ZBTB45: variants seen among roughly 807,000 people sequenced by gnomAD.
ZBTB45 encodes the protein zinc finger and BTB domain-containing protein 45.
A neutral mutation model predicts 28.4 loss-of-function variants in ZBTB45; 22 were observed. That is an observed-to-expected ratio of 0.77 (90% CI 0.55 to 1.10). The LOEUF (loss-of-function observed/expected upper bound fraction) is 1.10. Ranked by LOEUF, ZBTB45 falls within the 50% of genes least tolerant of loss-of-function variation. The pLI is 0.00. For missense variants in ZBTB45, 656 were observed against 750.2 expected, an observed-to-expected ratio of 0.87 and a Z score of 1.47; for synonymous variants, 361 against 332.3, an observed-to-expected ratio of 1.09 and a Z score of -0.94.
chr19:58,517,406 C>T lies in ZBTB45; in HGVS notation c.268G>A (p.Gly90Ser), dbSNP rs1371040029. Residue 90 changes from glycine (G) to serine (S), a missense_variant, in exon 2 of 3, where the codon GGT becomes AGT. Gly to Ser is a moderately conservative substitution (Grantham distance 56). Coordinates refer to ENST00000594051, the MANE Select transcript of ZBTB45 (RefSeq NM_001316979.2). ...TCACCCTGCGCCACAACGAGCGAAC[C>T]GCTGTACAGGAACTCTACCAGCTGT... ...VRQLVEFLYS[G>S]SLVVAQGEAL... 3.1e-6 allele frequency: 5 copies of T among 1,612,878 alleles called. No homozygotes were observed. The highest frequency in any genetic ancestry group is 1.1e-5 in the South Asian group (1 of 91,090).
Position 58,529,715 on chromosome 19 carries a change from C to T in ZBTB45, c.-1+8986G>A, listed in dbSNP as rs371614441. Among the ~76,000 whole-genome samples, 8 of 152,254 alleles carry T rather than the reference C, an allele frequency of 5.3e-5. No homozygotes were observed. The South Asian group carries it at 1.7e-3, about 32-fold the overall frequency. On this transcript the variant is annotated intron_variant, in intron 1 of 1. Transcript: ENST00000600130. ...TGGTGGTTTGCTGCACCCATCAACC[C>T]GTCATCTACATTAGGTATTTGTCCT...
At chr19:58,535,461 C>T (rs927811536) in intron 1 of ZBTB45, among the ~76,000 whole-genome samples, 3 of 151,938 alleles carry the variant, frequency 2.0e-5, no homozygotes, top group South Asian at 2.1e-4. Flanking sequence ...ATGGTGAAAC[C>T]TCGTCTCTAC....
At position 58,516,338 on chromosome 19, in the gene ZBTB45, C is replaced by G; in HGVS notation, c.1279+57G>C. On this transcript the variant is annotated intron_variant, in intron 2 of 2. Coordinates refer to ENST00000594051, the MANE Select transcript of ZBTB45 (RefSeq NM_001316979.2). This position sits in a 1 kb window ranked among gnomAD's most constrained non-coding sequence, Gnocchi z 6.2. ...CCCTGTAACTAGTGCTCAATTCCCCCTCAGGTTTAACTCTCCGATGAGAGA... is the reference window on the plus strand; with the variant it reads ...CCCTGTAACTAGTGCTCAATTCCCCGTCAGGTTTAACTCTCCGATGAGAGA... 6.2e-7 allele frequency: 1 copy of G among 1,603,806 alleles called. No homozygotes were observed. Among genetic ancestry groups the G allele is most frequent in the Admixed American group, 1.7e-5 (1 of 59,272 alleles).
At chr19:58,526,541 T>C (rs1469817950) in intron 1 of ZBTB45, among the ~76,000 whole-genome samples, 1 of 135,204 alleles carries the variant, frequency 7.4e-6, no homozygotes, top group Non-Finnish European at 1.6e-5. Flanking sequence ...TTTTTTTTTT[T>C]TTTTTTTTGA....
intron 1 of ZBTB45, among the ~76,000 whole-genome samples, chr19:58,535,234 C>T (rs2053654435): frequency 6.6e-6 from 1 of 151,958 alleles, no homozygotes; most frequent in Admixed American, 6.6e-5. Context: ...TCTTGATGTC[C>T]TGATCCCGTG....
chr19:58,516,302 C>T lies in ZBTB45; in HGVS notation c.1279+93G>A, dbSNP rs2053492408. Reference sequence around the variant, plus strand: ...CCCCTGCTAACCAAAAGTAACAGAACAGTGCCAGTGCCCTGTAACTAGTGC... The same window carrying T: ...CCCCTGCTAACCAAAAGTAACAGAATAGTGCCAGTGCCCTGTAACTAGTGC... On this transcript the variant is annotated intron_variant, in intron 2 of 2. Coordinates refer to ENST00000594051, the MANE Select transcript of ZBTB45 (RefSeq NM_001316979.2). The surrounding 1 kb of genome is among the most constrained non-coding windows in gnomAD (Gnocchi z 6.2). 1 of 1,488,912 alleles carries T rather than the reference C, an allele frequency of 6.7e-7. No individual in the cohort carries two copies. The highest frequency in any genetic ancestry group is 1.4e-5 in the African/African-American group (1 of 72,090). The allele number at this position is 1,488,912 out of a possible 1,614,324, so 92.2% of individuals were successfully genotyped here. A position where few individuals can be genotyped will look rare whatever the true frequency, so the allele number is the denominator to read the frequency against.
chr19:58,527,219 A>G (rs2053612676), intron 1 of ZBTB45, among the ~76,000 whole-genome samples: 1 of 152,054 alleles, frequency 6.6e-6, no homozygotes, highest in Non-Finnish European at 1.5e-5. Flanking sequence ...TCCACCACCC[A>G]CAGTAGGTGT....
At chr19:58,537,802 T>A (rs988856328) in intron 1 of ZBTB45, among the ~76,000 whole-genome samples, 4 of 151,848 alleles carry the variant, frequency 2.6e-5, no homozygotes, top group Non-Finnish European at 5.9e-5. Flanking sequence ...TGGGGACCAG[T>A]GCAGGATAGG....
chr19:58,526,525 ATT>A (rs71293931), intron 1 of ZBTB45, among the ~76,000 whole-genome samples: 6 of 131,010 alleles, frequency 4.6e-5, no homozygotes, highest in African/African-American at 8.6e-5. Flanking sequence ...TATTATTATT[ATT>A]TTTTTTTTTT....
At chr19:58,520,660 G>A (rs1337637414), upstream of ZBTB45, among the ~76,000 whole-genome samples, 4 of 152,262 alleles carry the variant, frequency 2.6e-5, no homozygotes, top group East Asian at 7.7e-4. Flanking sequence ...TAGGAGAAGG[G>A]TTCCAGAGGC....
chr19:58,536,539 A>G (rs2053661383), intron 1 of ZBTB45, among the ~76,000 whole-genome samples: 1 of 151,092 alleles, frequency 6.6e-6, no homozygotes, highest in South Asian at 2.1e-4. Flanking sequence ...GCTACTCAGG[A>G]GGCTAAGGCA....
In ZBTB45 at chr19:58,515,818, G is replaced by A. The variant is rs564596950; in HGVS notation, c.1279+577C>T. Among the ~76,000 whole-genome samples, 37 of 152,202 alleles carry A rather than the reference G, an allele frequency of 2.4e-4. No homozygotes were observed. The highest frequency in any genetic ancestry group is 7.7e-4 in the African/African-American group (32 of 41,524). ...CACTGCAGAGCCGCCTCCCTGACAC[G>A]GCCAAGGTCCGAGGGAACCTCCCCA... On this transcript the variant is annotated intron_variant, in intron 2 of 2. Coordinates refer to ENST00000594051, the MANE Select transcript of ZBTB45 (RefSeq NM_001316979.2). This position sits in a 1 kb window ranked among gnomAD's most constrained non-coding sequence, Gnocchi z 4.7.
In ZBTB45 at chr19:58,527,202, G is replaced by A. The variant is rs983113874; in HGVS notation, c.1-9529C>T. On this transcript the variant is annotated intron_variant, in intron 1 of 1. Coordinates refer to the ZBTB45 transcript ENST00000600130. ...CCACTGCTCCTCGATGCCCTGGAGC[G>A]AGGAATTCCACCACCCACAGTAGGT... 5.3e-5 allele frequency among the ~76,000 whole-genome samples: 8 copies of A among 152,136 alleles called. No individual in the cohort carries two copies. In the South Asian group the frequency reaches 1.2e-3, roughly 24 times the overall value.
chr19:58,527,867 C>T (rs1242692012), intron 1 of ZBTB45, among the ~76,000 whole-genome samples: 7 of 152,048 alleles, frequency 4.6e-5, no homozygotes, highest in Non-Finnish European at 7.4e-5. Context: ...TTTGGGAGGC[C>T]GAGGTAGGTG....
chr19:58,524,941 G>A (rs937408143), intron 1 of ZBTB45, among the ~76,000 whole-genome samples: 17 of 152,092 alleles, frequency 1.1e-4, no homozygotes, highest in African/African-American at 4.1e-4. Context: ...ATGGGAAATG[G>A]TGGCCATTGA....
chr19:58,520,440 G>A (rs1020202787), upstream of ZBTB45, among the ~76,000 whole-genome samples: 1 of 152,114 alleles, frequency 6.6e-6, no homozygotes, highest in African/African-American at 2.4e-5. Flanking sequence ...GGCCCCCTCC[G>A]AGATTTCCGT....
At chr19:58,530,735 G>C (rs377641597) in intron 1 of ZBTB45, among the ~76,000 whole-genome samples, 1 of 151,116 alleles carries the variant, frequency 6.6e-6, no homozygotes, top group Non-Finnish European at 1.5e-5. Flanking sequence ...GCAGGCTGGA[G>C]TGCAGTGGCG....
intron 1 of ZBTB45, among the ~76,000 whole-genome samples, chr19:58,532,596 G>C (rs1054900111): frequency 2.0e-5 from 3 of 152,150 alleles, no homozygotes; most frequent in Non-Finnish European, 4.4e-5. Context: ...GCCAAGGCTG[G>C]AGTGCAGTGT....
At position 58,516,168 on chromosome 19, in the gene ZBTB45, C is replaced by T. The variant is rs542184009; in HGVS notation, c.1279+227G>A. Among the ~76,000 whole-genome samples, 1 of 152,292 alleles carries T rather than the reference C, an allele frequency of 6.6e-6. No homozygotes were observed. The highest frequency in any genetic ancestry group is 2.1e-4 in the South Asian group (1 of 4,828). On this transcript the variant is annotated intron_variant, in intron 2 of 2. Coordinates refer to ENST00000594051, the MANE Select transcript of ZBTB45 (RefSeq NM_001316979.2). This position sits in a 1 kb window ranked among gnomAD's most constrained non-coding sequence, Gnocchi z 6.2. ...GCCAGGACAGGCTCCTGCTTCCCTA[C>T]CCAGCCTCAGGATCCCCCTCCACAG... is the stretch of plus-strand genomic sequence containing the variant.
Sources: gnomAD v4.1 joint callset for allele counts (sites outside exome capture counted in the v4.1 genomes callset) on GRCh38, gnomAD v4.1.1 for gene constraint, Gnocchi (gnomAD v3.1) non-coding constraint, MANE v1.5 for transcripts, NCBI Gene and HGNC (gene_info 2026-07-23, HGNC 2026-07-21) for gene names.